Variants in ADAM22 observed in about 807,000 individuals in gnomAD.
ADAM22 encodes disintegrin and metalloproteinase domain-containing protein 22.
In ADAM22, 65 loss-of-function variants were observed where a neutral mutation model predicts 144.6. The ratio of observed to expected loss-of-function variants is 0.45; its 90% CI spans 0.37 to 0.55. The LOEUF is 0.55. Ranked by LOEUF, ADAM22 falls within the 20% of genes least tolerant of loss-of-function variation. The pLI is 0.00. For synonymous variants in ADAM22, 391 were observed against 412.6 expected (o/e 0.95, Z 0.63); for missense variants, 974 against 1,184.9 (o/e 0.82, Z 2.61).
At chr7:88,010,883 G>T (rs138203851) in intron 3 of ADAM22, among the ~76,000 whole-genome samples, 5 of 152,284 alleles carry the variant, frequency 3.3e-5, no homozygotes, top group African/African-American at 1.2e-4. Flanking sequence ...GCCACTCCTC[G>T]TGTATACAGT....
chr7:88,145,979 A>G (rs1836277747), intron 17 of ADAM22, among the ~76,000 whole-genome samples: 1 of 152,180 alleles, frequency 6.6e-6, no homozygotes, highest in African/African-American at 2.4e-5. Context: ...ACTTTGAGAC[A>G]TGATAATACC....
At chr7:87,972,323 C>G (rs529730640) in intron 2 of ADAM22, among the ~76,000 whole-genome samples, 1 of 150,762 alleles carries the variant, frequency 6.6e-6, no homozygotes, top group Non-Finnish European at 1.5e-5. Context: ...TGAGTGAACT[C>G]CCATTCACAA....
chr7:87,964,624 T>C (rs752141875), intron 2 of ADAM22: 1 of 425,696 alleles, frequency 2.3e-6, no homozygotes, highest in South Asian at 1.7e-5. Context: ...CTCATTTAAT[T>C]TTTTTTTAGA....
intron 13 of ADAM22, 22 bp from the exon 14 acceptor site, chr7:88,135,958 A>G: frequency 1.9e-6 from 3 of 1,602,096 alleles, no homozygotes; most frequent in East Asian, 2.2e-5. Context: ...ATAACAAGGC[A>G]TGTGTATTAA....
intron 3 of ADAM22, among the ~76,000 whole-genome samples, chr7:88,072,617 C>T (rs1394004724): frequency 2.0e-5 from 3 of 152,194 alleles, no homozygotes; most frequent in Non-Finnish European, 4.4e-5. Context: ...CTGGTATTCA[C>T]CACCGTACAG....
chr7:88,020,525 C>G (rs1797598421), intron 3 of ADAM22, among the ~76,000 whole-genome samples: 1 of 152,122 alleles, frequency 6.6e-6, no homozygotes, highest in Admixed American at 6.5e-5. Context: ...CAACTTTTGT[C>G]TTGGTTTGTT....
At chr7:87,951,072 T>A (rs187717429) in intron 2 of ADAM22, among the ~76,000 whole-genome samples, 6,429 of 152,266 alleles carry the variant, frequency 0.042, 473 homozygotes, top group African/African-American at 0.15. Flanking sequence ...GCAAAAATTT[T>A]CTCCCATTCT....
intron 3 of ADAM22, among the ~76,000 whole-genome samples, chr7:88,045,248 C>T (rs1179953328): frequency 2.6e-5 from 4 of 152,192 alleles, no homozygotes; most frequent in Non-Finnish European, 5.9e-5. Context: ...AAACTCCTGA[C>T]TTCAGGCAAT....
At chr7:88,054,624 G>T (rs886464458) in intron 3 of ADAM22, among the ~76,000 whole-genome samples, 2 of 151,000 alleles carry the variant, frequency 1.3e-5, no homozygotes, top group Non-Finnish European at 2.9e-5. Context: ...GTGTGTGTGT[G>T]TGTGTGTGAT....
intron 4 of ADAM22, among the ~76,000 whole-genome samples, chr7:88,098,591 A>G (rs1822079264): frequency 6.6e-6 from 1 of 152,152 alleles, no homozygotes; most frequent in Non-Finnish European, 1.5e-5. Context: ...ACATAGAGAC[A>G]CAGAGACAAA....
rs542944433 is a variant in ADAM22, at chr7:87,986,038, A to G, written c.323+7626A>G. On this transcript the variant is annotated intron_variant, in intron 3 of 31. Transcript: ENST00000413139. ...CTCCTGCAAGTCTGGAAAGAGTTCC[A>G]TACTTCTCATGGCTACGATCTTATG... Among the ~76,000 whole-genome samples, 45 of 152,288 alleles carry G rather than the reference A, an allele frequency of 3.0e-4. No homozygotes were observed. In the South Asian group the frequency reaches 3.7e-3, roughly 13 times the overall value.
At chr7:88,079,688 G>T (rs907759261) in intron 4 of ADAM22, among the ~76,000 whole-genome samples, 6 of 152,130 alleles carry the variant, frequency 3.9e-5, no homozygotes, top group African/African-American at 1.4e-4. Context: ...AATGGCAGGG[G>T]TTGCAATCCT....
rs1268533208 is a variant in ADAM22 at position 88,171,550 on chromosome 7, T to C, written c.2289T>C (p.Tyr763=). The change falls in exon 26 of 32, where the codon TAT becomes TAC. Residue 763 remains tyrosine (Y), a synonymous_variant. Transcript: ENST00000413139. ...LGITAWGYKN[Y]REQRQLPQGD... The stretch of plus-strand genomic sequence containing the variant: ...TCTTCTTGTCCATGAAAAGAAACTA[T>C]CGAGAACAGAGGTATGTAATACAAA... 6.3e-7 allele frequency: 1 copy of C among 1,593,192 alleles called. No homozygotes were observed. Among genetic ancestry groups the C allele is most frequent in the African/African-American group, 1.4e-5 (1 of 73,662 alleles).
At chr7:88,039,464 A>AAAAAAAAAAAAAAAAAAATATATATAT in intron 3 of ADAM22, among the ~76,000 whole-genome samples, 8 of 76,390 alleles carry the variant, frequency 1.0e-4, no homozygotes, top group African/African-American at 3.3e-4. Flanking sequence ...AAAAAAAAAA[A>AAAAAAAAAAAAAAAAAAATATATATAT]ATATATATAT....
chr7:88,180,897 C>T (rs1244392327), intron 27 of ADAM22, among the ~76,000 whole-genome samples: 1 of 152,092 alleles, frequency 6.6e-6, no homozygotes, highest in Non-Finnish European at 1.5e-5. Context: ...GTGAGAGGCA[C>T]TGTCATGATA....
At chr7:88,175,916 G>A (rs545580120) in intron 26 of ADAM22, among the ~76,000 whole-genome samples, 1 of 152,094 alleles carries the variant, frequency 6.6e-6, no homozygotes. Flanking sequence ...ATTAATAATT[G>A]TAAAAAAGAC....
intron 6 of ADAM22, among the ~76,000 whole-genome samples, chr7:88,116,321 C>CA (rs1415367244): frequency 8.5e-5 from 13 of 152,106 alleles, no homozygotes; most frequent in Non-Finnish European, 4.4e-5. Flanking sequence ...TGGACATTTA[C>CA]TTATACCAGG....
chr7:88,040,978 A>T (rs748551129), intron 3 of ADAM22, among the ~76,000 whole-genome samples: 44 of 152,014 alleles, frequency 2.9e-4, no homozygotes, highest in Admixed American at 2.6e-4. Flanking sequence ...GGCCCCTTCC[A>T]TAGGCAGTTT....
chr7:88,152,809 G>A (rs1838821330), intron 20 of ADAM22, among the ~76,000 whole-genome samples: 1 of 151,996 alleles, frequency 6.6e-6, no homozygotes, highest in Non-Finnish European at 1.5e-5. Context: ...CTCCCAAGTA[G>A]CTGGGACTAC....
Sources: allele counts gnomAD v4.1 joint callset (sites outside exome capture counted in the v4.1 genomes callset), GRCh38; gene constraint gnomAD v4.1.1; transcripts MANE v1.5; gene names NCBI Gene and HGNC (gene_info 2026-07-23, HGNC 2026-07-21).